Variants in ZNF207 observed in about 807,000 individuals in gnomAD.
ZNF207 encodes BUB3-interacting and GLEBS motif-containing protein ZNF207.
ZNF207 carries 24 observed loss-of-function variants against 60.2 expected under a neutral mutation model. The observed-to-expected ratio is 0.40, with a 90% CI of 0.29 to 0.56. The LOEUF is 0.56. Ranked by LOEUF, ZNF207 falls within the 20% of genes least tolerant of loss-of-function variation. ZNF207 has a pLI of 0.49. For synonymous variants in ZNF207, 236 were observed against 194.7 expected (o/e 1.21, Z -1.77); for missense variants, 452 against 636.6 (o/e 0.71, Z 3.12).
intron 5 of ZNF207, 84 bp downstream of exon 5, chr17:32,361,051 ACTTTC>A: frequency 1.9e-5 from 27 of 1,445,824 alleles, no homozygotes; most frequent in Non-Finnish European, 2.6e-5. Context: ...ATGAAATGTT[ACTTTC>A]CATTTTTTGC....
In ZNF207 at chr17:32,360,698, A is replaced by G. The variant is rs142495699; in HGVS notation, c.408A>G (p.Gln136=). The G allele has an allele frequency of 3.7e-3, 5,986 of 1,614,152 alleles. 21 individuals carry two copies. Among genetic ancestry groups the G allele is most frequent in the Non-Finnish European group, 4.4e-3 (5,176 of 1,180,036 alleles). ...AGCCACAGCCTGTTCAACCTCAGCA[A>G]GGTTATATTCCTCCAATGGCACAGC... is the stretch of plus-strand genomic sequence containing the variant. ...SFQPQPVQPQ[Q]GYIPPMAQPG... is the part of the protein sequence containing the mutation. Residue 136 remains glutamine (Q), a synonymous_variant, in exon 4 of 12, where the codon CAA becomes CAG. Transcript: ENST00000394670.
rs1022394548 is a variant in ZNF207 at position 32,365,543 on chromosome 17, G to C, written c.828+56G>C. 2.6e-5 allele frequency: 39 copies of C among 1,475,154 alleles called. No homozygotes were observed. The African/African-American group carries it at 5.0e-4, about 19-fold the overall frequency. 91.4% of individuals were successfully genotyped at this position (1,475,154 alleles called of 1,614,324 possible). On this transcript the variant is annotated intron_variant, in intron 8 of 11. Coordinates refer to ENST00000394670, the MANE Select transcript of ZNF207 (RefSeq NM_001098507.2). ...TTATATTTAAAGATAAAGTACAGTTGTTTACAGAAGTCTTTGAAATTTTCA... is the reference window on the plus strand; with the variant it reads ...TTATATTTAAAGATAAAGTACAGTTCTTTACAGAAGTCTTTGAAATTTTCA...
chr17:32,367,051 C>T (rs1239772076), intron 9 of ZNF207, among the ~76,000 whole-genome samples: 1 of 151,282 alleles, frequency 6.6e-6, no homozygotes, highest in African/African-American at 2.4e-5. Context: ...CTGTTTAATG[C>T]ATCACATTTA....
intron 2 of ZNF207, among the ~76,000 whole-genome samples, chr17:32,357,182 A>T (rs534602887): frequency 3.9e-5 from 2 of 51,276 alleles, no homozygotes; most frequent in South Asian, 4.6e-4. Flanking sequence ...ACCCTGTCTT[A>T]AAAAAAAAAA....
intron 8 of ZNF207, 53 bp from the exon 9 acceptor site, chr17:32,366,612 T>A (rs918164314): frequency 6.6e-7 from 1 of 1,506,458 alleles, no homozygotes. Flanking sequence ...CATGGCTTAT[T>A]TTGACCCATT....
intron 6 of ZNF207, among the ~76,000 whole-genome samples, chr17:32,361,926 T>C (rs1402593188): frequency 6.6e-6 from 1 of 152,134 alleles, no homozygotes; most frequent in Non-Finnish European, 1.5e-5. Context: ...ATTTAAAAAA[T>C]TTGAAAGAAA....
In ZNF207 at chr17:32,358,620, C is replaced by A. The variant is rs1337523548; in HGVS notation, c.286C>A (p.Leu96Ile). ...PEKDMDERRR[L>I]LEQKTQESQK... ...AAAAGACATGGATGAAAGACGACGACTTCTTGAACAGAAAACACAAGGTAA... is the reference window on the plus strand; with the variant it reads ...AAAAGACATGGATGAAAGACGACGAATTCTTGAACAGAAAACACAAGGTAA... Residue 96 changes from leucine (L) to isoleucine (I), a missense_variant, in exon 3 of 12, where the codon CTT becomes ATT. Leu to Ile is a conservative substitution (Grantham distance 5). Coordinates refer to ENST00000394670, the MANE Select transcript of ZNF207 (RefSeq NM_001098507.2). 6.6e-7 allele frequency: 1 copy of A among 1,514,976 alleles called. No homozygotes were observed. The highest frequency in any genetic ancestry group is 8.8e-7 in the Non-Finnish European group (1 of 1,140,918). 93.8% of individuals were successfully genotyped at this position (1,514,976 alleles called of 1,614,324 possible).
intron 2 of ZNF207, 130 bp downstream of exon 2, chr17:32,352,042 A>T (rs1225312808): frequency 1.2e-6 from 1 of 826,898 alleles, no homozygotes; most frequent in Non-Finnish European, 1.8e-6. Context: ...ATCTCGGCCC[A>T]CTGCAACCTC....
At chr17:32,366,862 C>T (rs1905185789) in intron 9 of ZNF207, 105 bp downstream of exon 9, 1 of 1,075,686 alleles carries the variant, frequency 9.3e-7, no homozygotes, top group Non-Finnish European at 1.3e-6. Flanking sequence ...ACTGTGTTTA[C>T]TTTTTTAAAG....
intron 7 of ZNF207, among the ~76,000 whole-genome samples, chr17:32,363,870 C>T (rs1170730333): frequency 6.6e-6 from 1 of 151,964 alleles, no homozygotes; most frequent in Admixed American, 6.6e-5. Context: ...TTCATTGTCT[C>T]AGTCAACAAA....
chr17:32,365,538 C>T (rs1905120027), intron 8 of ZNF207, 51 bp downstream of exon 8: 6 of 1,540,392 alleles, frequency 3.9e-6, no homozygotes, highest in Non-Finnish European at 5.2e-6. Context: ...AGATAAAGTA[C>T]AGTTGTTTAC....
chr17:32,378,823 C>A lies in ZNF207; in HGVS notation c.*9064C>A, dbSNP rs1905774320. On this transcript the variant is annotated 3_prime_UTR_variant, in exon 12 of 12. Coordinates refer to ENST00000394670, the MANE Select transcript of ZNF207 (RefSeq NM_001098507.2). ...AAGCACTGAGGAGGGAGGAATAAAGCATACAAGTTAATTTCTAATTTTCGC... is the reference window on the plus strand; with the variant it reads ...AAGCACTGAGGAGGGAGGAATAAAGAATACAAGTTAATTTCTAATTTTCGC... 6.6e-6 allele frequency: 1 copy of A among 151,980 alleles called. No homozygotes were observed. The highest frequency in any genetic ancestry group is 2.1e-4 in the South Asian group (1 of 4,832). The allele number at this position is 151,980 out of a possible 1,614,324, so 9.4% of individuals were successfully genotyped here.
chr17:32,369,213 T>G, intron 10 of ZNF207, 82 bp from the exon 11 acceptor site: 1 of 1,499,126 alleles, frequency 6.7e-7, no homozygotes, highest in Non-Finnish European at 9.0e-7. Context: ...CTCTTAACGT[T>G]GTAAGATTTT....
chr17:32,354,894 G>C (rs1013438380), intron 2 of ZNF207, among the ~76,000 whole-genome samples: 5 of 152,210 alleles, frequency 3.3e-5, no homozygotes, highest in Admixed American at 6.5e-5. Context: ...GATTACAGGC[G>C]TGAGCCACTG....
At position 32,379,842 on chromosome 17, in the gene ZNF207, C is replaced by A. The variant is rs970844817; in HGVS notation, c.*10083C>A. 27 of 152,006 alleles carry A rather than the reference C, an allele frequency of 1.8e-4. No homozygotes were observed. Among genetic ancestry groups the A allele is most frequent in the African/African-American group, 5.3e-4 (22 of 41,382 alleles). 9.4% of individuals were successfully genotyped at this position (152,006 alleles called of 1,614,324 possible). A position where few individuals can be genotyped will look rare whatever the true frequency, so the allele number is the denominator to read the frequency against. On this transcript the variant is annotated 3_prime_UTR_variant, in exon 12 of 12. Coordinates refer to ENST00000394670, the MANE Select transcript of ZNF207 (RefSeq NM_001098507.2). Reference sequence around the variant, plus strand: ...TTCTGAGTAAATTTCTAATTTATGCCCTGCTTTATTTAGCCTCGCTATATG... The same window carrying A: ...TTCTGAGTAAATTTCTAATTTATGCACTGCTTTATTTAGCCTCGCTATATG...
In ZNF207 at chr17:32,377,242, A is replaced by G. The variant is rs571803032; in HGVS notation, c.*7483A>G. The G allele has an allele frequency of 6.6e-5, 10 of 152,146 alleles. No individual in the cohort carries two copies. The highest frequency in any genetic ancestry group is 2.4e-4 in the African/African-American group (10 of 41,558). The allele number at this position is 152,146 out of a possible 1,614,324, so 9.4% of individuals were successfully genotyped here. On this transcript the variant is annotated 3_prime_UTR_variant, in exon 12 of 12. Transcript: ENST00000394670. ...TAGTGAGGTCTCACCATAGTATTTT[A>G]ATGTAGCTTCTTATTAAAATTTTAT...
chr17:32,360,449 T>G (rs1478570032), intron 3 of ZNF207, 149 bp from the exon 4 acceptor site: 1 of 700,068 alleles, frequency 1.4e-6, no homozygotes, highest in Non-Finnish European at 2.3e-6. Flanking sequence ...AAAACACATT[T>G]GAAGAACATA....
rs1905661002 is a variant in ZNF207 at position 32,375,959 on chromosome 17, C to T, written c.*6200C>T. The stretch of plus-strand genomic sequence containing the variant: ...TTACTCCTTTTTAGAAACCCTTTCT[C>T]AGTATTTTAATTTCTGTCATTGAAT... On this transcript the variant is annotated 3_prime_UTR_variant, in exon 12 of 12. Transcript: ENST00000394670. 6.6e-6 allele frequency: 1 copy of T among 152,076 alleles called. No individual in the cohort carries two copies. Among genetic ancestry groups the T allele is most frequent in the Non-Finnish European group, 1.5e-5 (1 of 67,914 alleles). The allele number at this position is 152,076 out of a possible 1,614,324, so 9.4% of individuals were successfully genotyped here. A position where few individuals can be genotyped will look rare whatever the true frequency, so the allele number is the denominator to read the frequency against.
Position 32,380,749 on chromosome 17 carries a change from G to T in ZNF207, c.*10990G>T, listed in dbSNP as rs1479699810. The T allele has an allele frequency of 2.0e-5, 3 of 152,260 alleles. No homozygotes were observed. The highest frequency in any genetic ancestry group is 4.4e-5 in the Non-Finnish European group (3 of 68,096). 9.4% of individuals were successfully genotyped at this position (152,260 alleles called of 1,614,324 possible). A position where few individuals can be genotyped will look rare whatever the true frequency, so the allele number is the denominator to read the frequency against. On this transcript the variant is annotated 3_prime_UTR_variant, in exon 12 of 12. Coordinates refer to ENST00000394670, the MANE Select transcript of ZNF207 (RefSeq NM_001098507.2). Reference sequence around the variant, plus strand: ...AGGCGGGTGGATCTCCTGAGGTCAGGAGTTTGAGACCAGCCTGGCCAACAT... The same window carrying T: ...AGGCGGGTGGATCTCCTGAGGTCAGTAGTTTGAGACCAGCCTGGCCAACAT...
Sources: gnomAD v4.1 joint callset for allele counts (sites outside exome capture counted in the v4.1 genomes callset) on GRCh38, gnomAD v4.1.1 for gene constraint, MANE v1.5 for transcripts, NCBI Gene and HGNC (gene_info 2026-07-23, HGNC 2026-07-21) for gene names.